PNLIP: variants seen among roughly 807,000 people sequenced by gnomAD.
The protein encoded by PNLIP is pancreatic lipase, also known as pancreatic triacylglycerol lipase.
In PNLIP, 49 loss-of-function variants were observed where a neutral mutation model predicts 57.1. The observed-to-expected ratio is 0.86, with a 90% CI of 0.68 to 1.09. The LOEUF (loss-of-function observed/expected upper bound fraction) is 1.09. Ranked by LOEUF, PNLIP falls within the 50% of genes least tolerant of loss-of-function variation. The pLI is 0.00. For synonymous variants in PNLIP, 209 were observed against 200.4 expected (o/e 1.04, Z -0.36); for missense variants, 503 against 570.2 (o/e 0.88, Z 1.20).
chr10:116,553,167 G>A (rs565060169), intron 5 of PNLIP, among the ~76,000 whole-genome samples: 5 of 152,226 alleles, frequency 3.3e-5, no homozygotes, highest in South Asian at 4.1e-4. Flanking sequence ...GCGCAATGGC[G>A]CGATCTCGGC....
In PNLIP at chr10:116,555,422, T is replaced by C; in HGVS notation, c.726T>C (p.Asp242=). 6.2e-7 allele frequency: 1 copy of C among 1,614,166 alleles called. No homozygotes were observed. The highest frequency in any genetic ancestry group is 1.1e-5 in the South Asian group (1 of 91,080). The stretch of plus-strand genomic sequence containing the variant: ...TGAGCCAAGTCGTGGGCCACCTAGA[T>C]TTCTTTCCAAATGGAGGAGTGGAAA... ...FGMSQVVGHL[D]FFPNGGVEMP... The change falls in exon 8 of 13, where the codon GAT becomes GAC. Residue 242 remains aspartate, a synonymous_variant. Coordinates refer to ENST00000369221, the MANE Select transcript of PNLIP (RefSeq NM_000936.4).
chr10:116,567,757 A>G lies in PNLIP; in HGVS notation c.1357A>G (p.Thr453Ala). ...GKQFNFCSPE[T>A]VREEVLLTLT... The stretch of plus-strand genomic sequence containing the variant: ...CAGGTTCAACTTCTGTAGTCCAGAA[A>G]CCGTCAGGGAGGAAGTTCTGCTCAC... The change falls in exon 13 of 13, where the codon ACC becomes GCC. Residue 453 changes from threonine (T) to alanine (A), a missense_variant. Transcript: ENST00000369221. 1.2e-6 allele frequency: 2 copies of G among 1,614,054 alleles called. No homozygotes were observed. Among genetic ancestry groups the G allele is most frequent in the African/African-American group, 1.3e-5 (1 of 75,062 alleles).
At chr10:116,561,386 T>C in intron 11 of PNLIP, 86 bp from the exon 12 acceptor site, 2 of 952,070 alleles carry the variant, frequency 2.1e-6, no homozygotes, top group Non-Finnish European at 3.1e-6. Context: ...TATGTATATA[T>C]GTACACACTT....
intron 9 of PNLIP, among the ~76,000 whole-genome samples, chr10:116,558,080 TA>T (rs1315432174): frequency 9.9e-4 from 141 of 142,364 alleles, no homozygotes; most frequent in Admixed American, 1.1e-3. Context: ...TTTAAACCTT[TA>T]AAAAAAAAAA....
Position 116,556,040 on chromosome 10 carries a change from C to T in PNLIP, c.852C>T (p.Tyr284=). 3 of 1,613,808 alleles carry T rather than the reference C, an allele frequency of 1.9e-6. No individual in the cohort carries two copies. Among genetic ancestry groups the T allele is most frequent in the Non-Finnish European group, 2.5e-6 (3 of 1,179,768 alleles). Residue 284 remains tyrosine, a synonymous_variant, in exon 9 of 13, where the codon TAC becomes TAT. Transcript: ENST00000369221. Reference sequence around the variant, plus strand: ...CGGCCTGTAATCACTTAAGAAGCTACAAATATTACACTGATAGCATCGTCA... The same window carrying T: ...CGGCCTGTAATCACTTAAGAAGCTATAAATATTACACTGATAGCATCGTCA... The part of the protein sequence containing the change: ...DFAACNHLRS[Y]KYYTDSIVNP...
chr10:116,546,515 T>C (rs967478562), intron 2 of PNLIP, among the ~76,000 whole-genome samples: 1 of 152,226 alleles, frequency 6.6e-6, no homozygotes, highest in Non-Finnish European at 1.5e-5. Context: ...ACAACTGTAT[T>C]ACCCTGAGCA....
chr10:116,565,012 G>A (rs536541916), intron 12 of PNLIP, among the ~76,000 whole-genome samples: 1 of 152,128 alleles, frequency 6.6e-6, no homozygotes, highest in East Asian at 1.9e-4. Flanking sequence ...TGTAATCCCA[G>A]CACTTTGGGA....
chr10:116,548,618 T>C (rs375627093), intron 4 of PNLIP, 136 bp downstream of exon 4: 3 of 971,876 alleles, frequency 3.1e-6, no homozygotes, highest in East Asian at 2.6e-5. Context: ...GGCCTGGAGT[T>C]CCTAGGGGAG....
intron 4 of PNLIP, among the ~76,000 whole-genome samples, chr10:116,549,388 A>G (rs969523496): frequency 6.6e-6 from 1 of 152,154 alleles, no homozygotes; most frequent in Non-Finnish European, 1.5e-5. Context: ...CTGAGGCAGG[A>G]GAATCGCTTG....
At chr10:116,564,640 C>T (rs1350496546) in intron 12 of PNLIP, among the ~76,000 whole-genome samples, 1 of 152,006 alleles carries the variant, frequency 6.6e-6, no homozygotes, top group Non-Finnish European at 1.5e-5. Flanking sequence ...ATTCTTATTA[C>T]TAAATTCTCT....
Position 116,559,216 on chromosome 10 carries a change from T to A in PNLIP, c.993T>A (p.Tyr331Ter), listed in dbSNP as rs1847288147. Reference protein sequence around the residue: ...CPQMGHYADRYPGKTNDVGQK... With the variant: ...CPQMGHYADR ...AGATGGGTCACTATGCTGATAGATATCCTGGGAAAACAAATGATGTGGGCC... is the reference window on the plus strand; with the variant it reads ...AGATGGGTCACTATGCTGATAGATAACCTGGGAAAACAAATGATGTGGGCC... Residue 331 changes from tyrosine to a stop codon, truncating the protein, a stop_gained, in exon 10 of 13, where the codon TAT (tyrosine) becomes TAA (stop). Coordinates refer to ENST00000369221, the MANE Select transcript of PNLIP (RefSeq NM_000936.4). LOFTEE classifies it high-confidence loss of function. 6.2e-7 allele frequency: 1 copy of A among 1,614,066 alleles called. No homozygotes were observed. Among genetic ancestry groups the A allele is most frequent in the Non-Finnish European group, 8.5e-7 (1 of 1,179,920 alleles).
chr10:116,548,622 AG>A, intron 4 of PNLIP, 140 bp downstream of exon 4: 1 of 932,452 alleles, frequency 1.1e-6, no homozygotes. Context: ...TGGAGTTCCT[AG>A]GGGAGGTCAA....
intron 6 of PNLIP, among the ~76,000 whole-genome samples, chr10:116,554,174 G>A (rs917469606): frequency 2.0e-5 from 3 of 152,024 alleles, no homozygotes; most frequent in East Asian, 1.9e-4. Context: ...TATATTGCAC[G>A]TGACTAGAAT....
In PNLIP at chr10:116,553,272, ATT is replaced by A. The variant is rs1034481353; in HGVS notation, c.460-449_460-448del. 4.3e-4 allele frequency among the ~76,000 whole-genome samples: 65 copies of A among 152,140 alleles called. 1 individual carries two copies. Among genetic ancestry groups the A allele is most frequent in the African/African-American group, 1.6e-3 (65 of 41,522 alleles). On this transcript the variant is annotated intron_variant, in intron 5 of 12. Transcript: ENST00000369221. ...AGGCACCCACCACCACGCCCAGGTA[ATT>A]TTTTTACTTTTGTAGAGACGGGGTT...
intron 12 of PNLIP, among the ~76,000 whole-genome samples, chr10:116,567,077 C>T (rs1289332001): frequency 6.7e-6 from 1 of 148,314 alleles, no homozygotes; most frequent in Non-Finnish European, 1.5e-5. Flanking sequence ...CCCTCCCTCC[C>T]TTCTTTCTTT....
At chr10:116,567,596 C>G in intron 12 of PNLIP, 139 bp from the exon 13 acceptor site, 1 of 694,286 alleles carries the variant, frequency 1.4e-6, no homozygotes, top group Non-Finnish European at 2.6e-6. Context: ...GAGGTCTTCC[C>G]TCAGCCATTG....
chr10:116,555,062 C>T, intron 6 of PNLIP, 116 bp from the exon 7 acceptor site: 4 of 1,165,578 alleles, frequency 3.4e-6, no homozygotes, highest in Non-Finnish European at 3.7e-6. Context: ...TCCTCTTCAG[C>T]AAATGGTCAG....
At chr10:116,555,850 T>C (rs1847247516) in intron 8 of PNLIP, 150 bp from the exon 9 acceptor site, 1 of 633,866 alleles carries the variant, frequency 1.6e-6, no homozygotes, top group African/African-American at 1.8e-5. Flanking sequence ...ACATCACAAA[T>C]CATAAATATA....
At chr10:116,563,805 G>A (rs1008761031) in intron 12 of PNLIP, among the ~76,000 whole-genome samples, 5 of 151,964 alleles carry the variant, frequency 3.3e-5, no homozygotes, top group African/African-American at 4.8e-5. Context: ...CAGTAGATTA[G>A]ACATTATAGA....
Sources: allele counts gnomAD v4.1 joint callset (sites outside exome capture counted in the v4.1 genomes callset), GRCh38; gene constraint gnomAD v4.1.1; transcripts MANE v1.5; gene names NCBI Gene and HGNC (gene_info 2026-07-23, HGNC 2026-07-21).